The following CNTN1 variants were observed in gnomAD, a reference collection of about 807,000 sequenced individuals.
CNTN1 encodes contactin 1, also known as contactin-1.
CNTN1 carries 38 observed loss-of-function variants against 126.4 expected under a neutral mutation model. The ratio of observed to expected loss-of-function variants is 0.30; its 90% CI spans 0.23 to 0.39. The LOEUF (loss-of-function observed/expected upper bound fraction) is 0.39, where lower values mean the gene tolerates loss of function less well. Ranked by LOEUF, CNTN1 falls within the 10% of genes least tolerant of loss-of-function variation. The pLI is 1.00. For synonymous variants in CNTN1, 413 were observed against 422.6 expected, an observed-to-expected ratio of 0.98 and a Z score of 0.28; for missense variants, 1,009 against 1,248.4, an observed-to-expected ratio of 0.81 and a Z score of 2.89.
intron 12 of CNTN1, among the ~76,000 whole-genome samples, chr12:40,942,484 G>A (rs1946293526): frequency 6.6e-6 from 1 of 152,054 alleles, no homozygotes; most frequent in African/African-American, 2.4e-5. Context: ...CATATCAGAG[G>A]AGTTTGCTGT....
intron 1 of CNTN1, among the ~76,000 whole-genome samples, chr12:40,833,639 A>G (rs1436776559): frequency 1.3e-5 from 2 of 152,174 alleles, no homozygotes; most frequent in African/African-American, 4.8e-5. Context: ...TCAATTCTGA[A>G]TGAATCTCCT....
intron 23 of CNTN1, among the ~76,000 whole-genome samples, chr12:41,042,238 C>G (rs1477297523): frequency 6.6e-6 from 1 of 152,048 alleles, no homozygotes; most frequent in African/African-American, 2.4e-5. Flanking sequence ...GAGTGGGTTT[C>G]TTAATCCTGA....
intron 1 of CNTN1, among the ~76,000 whole-genome samples, chr12:40,819,600 T>C (rs1360300864): frequency 6.6e-6 from 1 of 151,964 alleles, no homozygotes; most frequent in Non-Finnish European, 1.5e-5. Flanking sequence ...CCAGGGAGCT[T>C]AGCATGTTAG....
At chr12:41,052,206 G>T (rs11179617) in intron 23 of CNTN1, among the ~76,000 whole-genome samples, 1 of 151,948 alleles carries the variant, frequency 6.6e-6, no homozygotes. Context: ...TTTGTCTCTG[G>T]TCTTAAGACC....
At position 40,794,082 on chromosome 12, in the gene CNTN1, G is replaced by T. The variant is rs1202315645; in HGVS notation, c.-77+101490G>T. 3.9e-5 allele frequency among the ~76,000 whole-genome samples: 6 copies of T among 152,010 alleles called. No homozygotes were observed. In the East Asian group the frequency reaches 5.8e-4, roughly 15 times the overall value. On this transcript the variant is annotated intron_variant, in intron 1 of 23. Coordinates refer to ENST00000551295, the MANE Select transcript of CNTN1 (RefSeq NM_001843.4). ...CAACCTGAAAATCTTCAGGATGCTG[G>T]CAAAATAAGAAATTTAGTTTAATAA...
intron 1 of CNTN1, among the ~76,000 whole-genome samples, chr12:40,785,913 G>A (rs1309618633): frequency 6.6e-6 from 1 of 152,074 alleles, no homozygotes; most frequent in Non-Finnish European, 1.5e-5. Context: ...CTGCCCCCAT[G>A]AGCCAATCAC....
chr12:40,959,274 A>G, intron 15 of CNTN1, 40 bp downstream of exon 15: 2 of 1,606,316 alleles, frequency 1.2e-6, no homozygotes, highest in South Asian at 2.2e-5. Context: ...AACCAAAAGT[A>G]TTTGACTTGC....
chr12:40,934,529 C>T (rs1487271143), intron 9 of CNTN1, among the ~76,000 whole-genome samples: 2 of 151,022 alleles, frequency 1.3e-5, no homozygotes, highest in Non-Finnish European at 3.0e-5. Flanking sequence ...TTTCAGGCCA[C>T]ACTGGAAACT....
intron 14 of CNTN1, among the ~76,000 whole-genome samples, chr12:40,957,742 G>A (rs1000911203): frequency 4.6e-5 from 7 of 151,858 alleles, no homozygotes; most frequent in South Asian, 2.1e-4. Context: ...GATCTCAATC[G>A]ACATTAAATT....
chr12:41,057,896 T>C (rs1949860649), intron 23 of CNTN1, among the ~76,000 whole-genome samples: 2 of 152,058 alleles, frequency 1.3e-5, no homozygotes, highest in South Asian at 2.1e-4. Flanking sequence ...ATCAAATCAG[T>C]TGGACTTGGC....
At chr12:40,778,281 T>C (rs765975852) in intron 1 of CNTN1, among the ~76,000 whole-genome samples, 5 of 151,898 alleles carry the variant, frequency 3.3e-5, no homozygotes, top group Non-Finnish European at 7.4e-5. Context: ...GCACAGGCCA[T>C]GGACTATATC....
intron 3 of CNTN1, among the ~76,000 whole-genome samples, chr12:40,911,281 C>T (rs1157588563): frequency 1.3e-5 from 2 of 152,008 alleles, no homozygotes; most frequent in East Asian, 3.9e-4. Flanking sequence ...GGGGTTTCAC[C>T]ATATTAGCCA....
intron 1 of CNTN1, among the ~76,000 whole-genome samples, chr12:40,696,251 T>A (rs1419426206): frequency 2.6e-5 from 4 of 152,246 alleles, no homozygotes; most frequent in African/African-American, 9.6e-5. Flanking sequence ...CTTTTATCAA[T>A]GGAGACTACA....
At chr12:40,707,250 T>C (rs1591994134) in intron 1 of CNTN1, among the ~76,000 whole-genome samples, 2 of 98,956 alleles carry the variant, frequency 2.0e-5, no homozygotes, top group Non-Finnish European at 4.3e-5. Flanking sequence ...TTTTTTTTTT[T>C]TTTTTTTTTT....
intron 1 of CNTN1, among the ~76,000 whole-genome samples, chr12:40,862,717 A>G (rs886704221): frequency 6.6e-6 from 1 of 152,150 alleles, no homozygotes; most frequent in Admixed American, 6.6e-5. Flanking sequence ...CATGAAAAAA[A>G]TCTCCTTGTT....
intron 1 of CNTN1, among the ~76,000 whole-genome samples, chr12:40,845,135 G>C (rs1024400432): frequency 6.6e-6 from 1 of 152,154 alleles, no homozygotes; most frequent in African/African-American, 2.4e-5. Flanking sequence ...AGAGCTAGTT[G>C]TATGTCAGTT....
At chr12:40,814,388 G>T (rs982788741) in intron 1 of CNTN1, among the ~76,000 whole-genome samples, 1 of 152,148 alleles carries the variant, frequency 6.6e-6, no homozygotes, top group Non-Finnish European at 1.5e-5. Flanking sequence ...ACGTAAGGAC[G>T]GAGTCCAGTT....
At chr12:40,820,584 A>T (rs1941412597) in intron 1 of CNTN1, among the ~76,000 whole-genome samples, 1 of 152,114 alleles carries the variant, frequency 6.6e-6, no homozygotes, top group South Asian at 2.1e-4. Context: ...AGTGGTCATG[A>T]TTCTAGAGTT....
chr12:40,774,913 C>T (rs889717652), intron 1 of CNTN1, among the ~76,000 whole-genome samples: 1 of 151,328 alleles, frequency 6.6e-6, no homozygotes, highest in African/African-American at 2.4e-5. Flanking sequence ...ACATGTGATA[C>T]TTTGATATAA....
Sources: allele counts gnomAD v4.1 joint callset (sites outside exome capture counted in the v4.1 genomes callset), GRCh38; gene constraint gnomAD v4.1.1; transcripts MANE v1.5; gene names NCBI Gene and HGNC (gene_info 2026-07-23, HGNC 2026-07-21).